PTPRD: variants seen among roughly 807,000 people sequenced by gnomAD.
PTPRD encodes protein tyrosine phosphatase receptor type D.
In PTPRD, 34 loss-of-function variants were observed where a neutral mutation model predicts 214.5. The ratio of observed to expected loss-of-function variants is 0.16; its 90% CI spans 0.12 to 0.21. The LOEUF (loss-of-function observed/expected upper bound fraction) is 0.21. Ranked by LOEUF, PTPRD falls within the 10% of genes least tolerant of loss-of-function variation. The pLI, the probability that PTPRD is intolerant of heterozygous loss-of-function variation, is 1.00. For synonymous variants in PTPRD, 1,128 were observed against 845.7 expected (o/e 1.33, Z -5.79); for missense variants, 2,545 against 2,398.7 (o/e 1.06, Z -1.27).
chr9:9,925,525 T>A (rs983688094), intron 5 of PTPRD, among the ~76,000 whole-genome samples: 1 of 152,210 alleles, frequency 6.6e-6, no homozygotes, highest in African/African-American at 2.4e-5. Flanking sequence ...TTCACATTAG[T>A]TTTTTTAAAG....
intron 3 of PTPRD, among the ~76,000 whole-genome samples, chr9:10,169,591 T>G (rs1046219434): frequency 7.3e-5 from 11 of 151,226 alleles, no homozygotes; most frequent in Non-Finnish European, 1.6e-4. Flanking sequence ...ATAAAATAGG[T>G]CAACTATTTA....
At chr9:10,468,140 C>G (rs1244903281) in intron 2 of PTPRD, among the ~76,000 whole-genome samples, 1 of 152,152 alleles carries the variant, frequency 6.6e-6, no homozygotes, top group Non-Finnish European at 1.5e-5. Context: ...ACCCAGCCAT[C>G]CTGTTACTGG....
chr9:10,018,800 C>G (rs571068004), intron 4 of PTPRD, among the ~76,000 whole-genome samples: 1 of 151,828 alleles, frequency 6.6e-6, no homozygotes, highest in South Asian at 2.1e-4. Flanking sequence ...CCGCCCGCCT[C>G]GGCCTCCCAA....
At chr9:8,708,924 G>C (rs1406341041) in intron 12 of PTPRD, among the ~76,000 whole-genome samples, 1 of 152,060 alleles carries the variant, frequency 6.6e-6, no homozygotes, top group Admixed American at 6.6e-5. Context: ...TTTAAAAAAA[G>C]AATGAAATGC....
intron 8 of PTPRD, among the ~76,000 whole-genome samples, chr9:9,497,776 A>T (rs1413429530): frequency 1.3e-5 from 2 of 152,156 alleles, no homozygotes; most frequent in Non-Finnish European, 2.9e-5. Context: ...TTTAAGATAT[A>T]ATATCATAAT....
At position 9,137,518 on chromosome 9, in the gene PTPRD, C is replaced by G. The variant is rs180768461; in HGVS notation, c.-143+45786G>C. 6.6e-3 allele frequency among the ~76,000 whole-genome samples: 1,001 copies of G among 152,142 alleles called. 5 individuals are homozygous for G. The highest frequency in any genetic ancestry group is 0.011 in the Non-Finnish European group (723 of 67,974). On this transcript the variant is annotated intron_variant, in intron 10 of 45. Coordinates refer to ENST00000381196, the MANE Select transcript of PTPRD (RefSeq NM_002839.4). ...ATATATAACCCCCCTCTTAATATCT[C>G]CAAAGTTATAAAATTATTATTTAAC...
chr9:8,636,916 C>T (rs1439158812), intron 12 of PTPRD, 72 bp from the exon 13 acceptor site: 2 of 1,484,066 alleles, frequency 1.3e-6, no homozygotes, highest in South Asian at 2.4e-5. Flanking sequence ...TACCGCTGCT[C>T]TCCCCACCAT....
chr9:9,086,735 G>C (rs370544242), intron 10 of PTPRD, among the ~76,000 whole-genome samples: 1 of 152,108 alleles, frequency 6.6e-6, no homozygotes, highest in East Asian at 1.9e-4. Context: ...TAATATTTGG[G>C]CTGGATAAAA....
At chr9:8,518,832 T>G (rs2138640259) in intron 20 of PTPRD, among the ~76,000 whole-genome samples, 1 of 151,934 alleles carries the variant, frequency 6.6e-6, no homozygotes, top group Non-Finnish European at 1.5e-5. Context: ...GCCAATCCAC[T>G]AAGATTCTTA....
chr9:8,464,410 C>T (rs975754932), intron 32 of PTPRD, among the ~76,000 whole-genome samples: 1 of 151,942 alleles, frequency 6.6e-6, no homozygotes, highest in Non-Finnish European at 1.5e-5. Context: ...ACTTTGTTTT[C>T]AAATGACATT....
At chr9:8,578,357 C>T (rs1052718158) in intron 14 of PTPRD, among the ~76,000 whole-genome samples, 2 of 152,122 alleles carry the variant, frequency 1.3e-5, no homozygotes, top group Non-Finnish European at 2.9e-5. Context: ...AGCCCCCACC[C>T]TCCAACCCCT....
Position 8,664,646 on chromosome 9 carries a change from G to A in PTPRD, c.65-27802C>T, listed in dbSNP as rs184827275. On this transcript the variant is annotated intron_variant, in intron 12 of 45. Transcript: ENST00000381196. The stretch of plus-strand genomic sequence containing the variant: ...CTTCCAGATAGCTCTGGTGTTTATG[G>A]TATATAATCCTCTTAAATGCATGTT... Among the ~76,000 whole-genome samples, 172 of 152,288 alleles carry A rather than the reference G, an allele frequency of 1.1e-3. 1 individual carries two copies. The highest frequency in any genetic ancestry group is 3.5e-3 in the African/African-American group (146 of 41,564).
intron 7 of PTPRD, among the ~76,000 whole-genome samples, chr9:9,711,564 T>C (rs948055939): frequency 6.6e-6 from 1 of 152,196 alleles, no homozygotes; most frequent in Admixed American, 6.5e-5. Flanking sequence ...GGACATATAC[T>C]GAGAGTATAC....
chr9:9,364,443 A>G (rs1483367482), intron 9 of PTPRD, among the ~76,000 whole-genome samples: 1 of 151,472 alleles, frequency 6.6e-6, no homozygotes, highest in Non-Finnish European at 1.5e-5. Context: ...GGACAGTTGC[A>G]ATTTTAAAGA....
chr9:9,900,641 G>GTTTTTT (rs1555302230), intron 5 of PTPRD, among the ~76,000 whole-genome samples: 1 of 120,086 alleles, frequency 8.3e-6, no homozygotes, highest in African/African-American at 3.1e-5. Context: ...ACATTTTCAG[G>GTTTTTT]TTTTTTTTTT....
chr9:9,395,090 T>C (rs2184078), intron 9 of PTPRD, among the ~76,000 whole-genome samples: 43,729 of 151,538 alleles, frequency 0.29, 7,263 homozygotes, highest in East Asian at 0.45. Flanking sequence ...GCCATTTGGA[T>C]GTCTCCTCTC....
chr9:9,453,284 G>A (rs10124103), intron 8 of PTPRD, among the ~76,000 whole-genome samples: 23,780 of 151,130 alleles, frequency 0.16, 1,998 homozygotes, highest in Middle Eastern at 0.29. Flanking sequence ...CATTCCATGC[G>A]GTTGCATATT....
chr9:10,186,620 C>A (rs941036182), intron 3 of PTPRD, among the ~76,000 whole-genome samples: 2 of 151,694 alleles, frequency 1.3e-5, no homozygotes, highest in African/African-American at 4.8e-5. Context: ...TCATAAATAA[C>A]ATAGTAGAAA....
intron 5 of PTPRD, among the ~76,000 whole-genome samples, chr9:9,890,290 T>C (rs556258870): frequency 6.6e-6 from 1 of 152,036 alleles, no homozygotes; most frequent in South Asian, 2.1e-4. Flanking sequence ...CTCCACTTCC[T>C]GGCCTAAGCA....
Sources: allele counts gnomAD v4.1 joint callset (sites outside exome capture counted in the v4.1 genomes callset), GRCh38; gene constraint gnomAD v4.1.1; transcripts MANE v1.5; gene names NCBI Gene and HGNC (gene_info 2026-07-23, HGNC 2026-07-21).